MUC22: variants seen among roughly 807,000 people sequenced by gnomAD.
The protein encoded by MUC22 is mucin 22, also known as mucin-22.
Under a neutral mutation model 40.3 loss-of-function variants are expected in MUC22, and 24 were observed. The observed-to-expected ratio is 0.60, with a 90% confidence interval of 0.43 to 0.84. The LOEUF (loss-of-function observed/expected upper bound fraction) is 0.84. Ranked by LOEUF, MUC22 falls within the 40% of genes least tolerant of loss-of-function variation. MUC22 has a pLI of 0.00. For synonymous variants in MUC22, 765 were observed against 844.5 expected, an observed-to-expected ratio of 0.91 and a Z score of 1.63; for missense variants, 1,926 against 2,130.7, an observed-to-expected ratio of 0.90 and a Z score of 1.89.
At chr6:31,028,537 A>G (rs75683091) in exon 2 of MUC22, 49,494 of 1,533,880 alleles carry the variant, frequency 0.032, 3,316 homozygotes, top group East Asian at 0.21. Flanking sequence ...TGAGACCACT[A>G]TGGCCTCTAC....
At chr6:31,034,068 G>A (rs566071161) in intron 3 of MUC22, among the ~76,000 whole-genome samples, 2 of 152,324 alleles carry the variant, frequency 1.3e-5, no homozygotes, top group Admixed American at 6.5e-5. Flanking sequence ...AATGCATAAT[G>A]TTATTTAATC....
exon 2 of MUC22, chr6:31,028,321 A>C: frequency 1.3e-6 from 2 of 1,533,004 alleles, no homozygotes; most frequent in African/African-American, 2.8e-5. Flanking sequence ...AGGTTCAGAG[A>C]CCACCACCAC....
At chr6:31,029,331 C>T (rs1432609238) in exon 2 of MUC22, 4 of 1,530,696 alleles carry the variant, frequency 2.6e-6, no homozygotes, top group Middle Eastern at 3.4e-4. Context: ...CAGTCTATAC[C>T]ACAGGCTCTG....
exon 2 of MUC22, chr6:31,026,069 C>G: frequency 6.5e-7 from 1 of 1,531,000 alleles, no homozygotes; most frequent in Non-Finnish European, 8.7e-7. Context: ...ACCACAGGCT[C>G]TGAAACCACC....
chr6:31,019,400 G>A (rs113062450), intron 1 of MUC22, among the ~76,000 whole-genome samples: 1,771 of 152,254 alleles, frequency 0.012, 31 homozygotes, highest in African/African-American at 0.038. Flanking sequence ...CTACATGCCC[G>A]TTTTCACACA....
At position 31,029,890 on chromosome 6, in the gene MUC22, A is replaced by G. The variant is rs115600609; in HGVS notation, c.4459A>G (p.Thr1487Ala). 4,658 of 1,520,704 alleles carry G rather than the reference A, an allele frequency of 3.1e-3. 30 individuals are homozygous for G. Among genetic ancestry groups the G allele is most frequent in the Middle Eastern group, 0.012 (71 of 5,928 alleles). The allele number at this position is 1,520,704 out of a possible 1,614,324, so 94.2% of individuals were successfully genotyped here. A position where few individuals can be genotyped will look rare whatever the true frequency, so the allele number is the denominator to read the frequency against. The change falls in exon 2 of 4, where the codon ACT (threonine) becomes GCT (alanine). Residue 1487 changes from threonine (T) to alanine (A), a missense_variant. Transcript: ENST00000561890. ...CTCCAGTGCAGGCTCTGAGACCAAC[A>G]CTGCCTTCATCATAGGCTCTGAGAG...
At chr6:31,006,809 T>A (rs1164205106), upstream of MUC22, among the ~76,000 whole-genome samples, 1 of 152,162 alleles carries the variant, frequency 6.6e-6, no homozygotes, top group Non-Finnish European at 1.5e-5. Flanking sequence ...AGGAACCATT[T>A]AAAAACCTAG....
chr6:31,013,347 G>A (rs969543284), intron 1 of MUC22, among the ~76,000 whole-genome samples: 6 of 151,474 alleles, frequency 4.0e-5, no homozygotes, highest in Non-Finnish European at 7.4e-5. Flanking sequence ...GGCTGGACTC[G>A]AACTCCTGAG....
chr6:31,021,148 C>A (rs138708628), intron 1 of MUC22, among the ~76,000 whole-genome samples: 1 of 152,216 alleles, frequency 6.6e-6, no homozygotes, highest in Admixed American at 6.5e-5. Flanking sequence ...CCTGCGGCCC[C>A]GGGGCGGGAT....
At chr6:31,013,315 C>G (rs1025696376) in intron 1 of MUC22, among the ~76,000 whole-genome samples, 1 of 151,790 alleles carries the variant, frequency 6.6e-6, no homozygotes, top group African/African-American at 2.4e-5. Context: ...TTAGTAGAGA[C>G]GGGGTTTCAT....
rs150903652 is a variant in MUC22, at chr6:31,016,944, G to A, written c.70+6168G>A. On this transcript the variant is annotated intron_variant, in intron 1 of 3. Coordinates refer to ENST00000561890, the Ensembl canonical transcript of MUC22. ...CCAGGCAGTGAGGAACTTAGCACCC[G>A]GGCCAGCAGCTGCGGAGGGTGCGCC... Among the ~76,000 whole-genome samples the A allele has an allele frequency of 9.9e-3, 1,499 of 152,162 alleles. 26 individuals are homozygous for A. Among genetic ancestry groups the A allele is most frequent in the African/African-American group, 0.034 (1,406 of 41,548 alleles).
At chr6:31,034,974 A>G in exon 4 of MUC22, 1 of 1,520,992 alleles carries the variant, frequency 6.6e-7, no homozygotes, top group Non-Finnish European at 8.8e-7. Flanking sequence ...GGAGCCACCA[A>G]GGAGGCCACG....
At chr6:31,018,928 A>G (rs9262496) in intron 1 of MUC22, among the ~76,000 whole-genome samples, 22,118 of 149,636 alleles carry the variant, frequency 0.15, 1,769 homozygotes, top group African/African-American at 0.19. Flanking sequence ...CAGTGGCCAG[A>G]GCTTGGTCCA....
rs184228898 is a variant in MUC22 at position 31,024,891 on chromosome 6, A to G, written c.71-611A>G. Among the ~76,000 whole-genome samples the G allele has an allele frequency of 2.3e-3, 316 of 137,322 alleles. 1 individual carries two copies. The highest frequency in any genetic ancestry group is 8.3e-3 in the African/African-American group (303 of 36,356). The allele number at this position is 137,322 out of a possible 152,430, so 90.1% of individuals were successfully genotyped here. ...CTTCTTTTTTTTTTTTTTTTTTAAG[A>G]TGGAGTTTTGCCCTTGTTGGCCAGG... On this transcript the variant is annotated intron_variant, in intron 1 of 3. Coordinates refer to ENST00000561890, the Ensembl canonical transcript of MUC22.
intron 3 of MUC22, among the ~76,000 whole-genome samples, chr6:31,034,247 G>A (rs1180508871): frequency 6.6e-6 from 1 of 152,176 alleles, no homozygotes; most frequent in African/African-American, 2.4e-5. Flanking sequence ...GCTCTGTGTA[G>A]ACAGCTTTCT....
intron 1 of MUC22, among the ~76,000 whole-genome samples, chr6:31,017,667 A>G (rs1764328085): frequency 6.6e-6 from 1 of 152,170 alleles, no homozygotes; most frequent in Non-Finnish European, 1.5e-5. Flanking sequence ...GGACTTGGAG[A>G]ACTTTTGTGT....
chr6:31,014,257 A>G (rs1764046245), intron 1 of MUC22, among the ~76,000 whole-genome samples: 1 of 152,172 alleles, frequency 6.6e-6, no homozygotes, highest in Non-Finnish European at 1.5e-5. Flanking sequence ...TTCTTCATAT[A>G]TGTAATTAAT....
exon 2 of MUC22, chr6:31,029,233 G>A (rs1052433392): frequency 2.0e-6 from 3 of 1,535,322 alleles, no homozygotes; most frequent in African/African-American, 2.7e-5. Context: ...GACCACCACA[G>A]TCTCTACCAC....
chr6:31,026,323 ACCACCCCCTCCC>A, exon 2 of MUC22: 1 of 1,509,096 alleles, frequency 6.6e-7, no homozygotes, highest in African/African-American at 1.4e-5. Context: ...TTCTGAGACC[ACCACCCCCTCCC>A]CCACAGGCTC....
Sources: allele counts gnomAD v4.1 joint callset (sites outside exome capture counted in the v4.1 genomes callset), GRCh38; gene constraint gnomAD v4.1.1; transcripts MANE v1.5; gene names NCBI Gene and HGNC (gene_info 2026-07-23, HGNC 2026-07-21).